PTPRD: variants seen among roughly 807,000 people sequenced by gnomAD.
The protein encoded by PTPRD is receptor-type tyrosine-protein phosphatase delta.
PTPRD carries 34 observed loss-of-function variants against 214.5 expected under a neutral mutation model. The ratio of observed to expected loss-of-function variants is 0.16; its 90% CI spans 0.12 to 0.21. The LOEUF (loss-of-function observed/expected upper bound fraction) is 0.21. PTPRD is among the 10% of genes least tolerant of loss of function. The pLI is 1.00. For synonymous variants in PTPRD, 1,128 were observed against 845.7 expected, an observed-to-expected ratio of 1.33 and a Z score of -5.79; for missense variants, 2,545 against 2,398.7, an observed-to-expected ratio of 1.06 and a Z score of -1.27.
At chr9:8,983,445 A>G (rs1202624256) in intron 11 of PTPRD, among the ~76,000 whole-genome samples, 2 of 152,008 alleles carry the variant, frequency 1.3e-5, no homozygotes, top group African/African-American at 4.8e-5. Context: ...TTAGTGTTCA[A>G]TACGTTTTCT....
chr9:10,157,953 T>A (rs991693415), intron 3 of PTPRD, among the ~76,000 whole-genome samples: 3 of 152,150 alleles, frequency 2.0e-5, no homozygotes, highest in Admixed American at 1.3e-4. Context: ...GTGATTGCAT[T>A]GTGAAATTAT....
At chr9:8,908,817 C>A (rs1054688454) in intron 11 of PTPRD, among the ~76,000 whole-genome samples, 2 of 151,198 alleles carry the variant, frequency 1.3e-5, no homozygotes, top group African/African-American at 2.4e-5. Context: ...AACTGATAAA[C>A]CTTTAACTCG....
chr9:8,787,276 C>T (rs896735771), intron 11 of PTPRD, among the ~76,000 whole-genome samples: 2 of 152,166 alleles, frequency 1.3e-5, no homozygotes, highest in Non-Finnish European at 1.5e-5. Flanking sequence ...CAACTTCTAG[C>T]TTTACTCAGC....
intron 8 of PTPRD, among the ~76,000 whole-genome samples, chr9:9,441,203 C>T (rs1295688037): frequency 2.0e-5 from 3 of 152,144 alleles, no homozygotes; most frequent in Non-Finnish European, 4.4e-5. Flanking sequence ...AGACTCCAGG[C>T]AGCTGAGCAA....
At chr9:9,550,882 T>C (rs2080047920) in intron 8 of PTPRD, among the ~76,000 whole-genome samples, 1 of 151,794 alleles carries the variant, frequency 6.6e-6, no homozygotes, top group Non-Finnish European at 1.5e-5. Flanking sequence ...TAAATTAAAA[T>C]CACAAGAACA....
intron 12 of PTPRD, among the ~76,000 whole-genome samples, chr9:8,725,128 G>C (rs1474072648): frequency 6.6e-6 from 1 of 152,098 alleles, no homozygotes; most frequent in Non-Finnish European, 1.5e-5. Context: ...CTGTATGATT[G>C]TTGTAATGTC....
chr9:10,229,506 G>A (rs929681457), intron 3 of PTPRD, among the ~76,000 whole-genome samples: 30 of 152,136 alleles, frequency 2.0e-4, no homozygotes, highest in African/African-American at 6.3e-4. Flanking sequence ...TAAACACCAC[G>A]GAATACTATG....
At chr9:8,607,009 T>C (rs937776483) in intron 14 of PTPRD, among the ~76,000 whole-genome samples, 5 of 152,096 alleles carry the variant, frequency 3.3e-5, no homozygotes, top group Non-Finnish European at 7.4e-5. Flanking sequence ...AAATCAATGG[T>C]AGAATGCTGA....
chr9:9,121,054 T>A (rs1196663340), intron 10 of PTPRD, among the ~76,000 whole-genome samples: 1 of 152,152 alleles, frequency 6.6e-6, no homozygotes, highest in Admixed American at 6.5e-5. Context: ...CGTACAGAGG[T>A]TATATAACAC....
At chr9:10,446,803 C>G (rs1323861587) in intron 2 of PTPRD, among the ~76,000 whole-genome samples, 1 of 152,004 alleles carries the variant, frequency 6.6e-6, no homozygotes, top group Admixed American at 6.6e-5. Context: ...AAACTGGATC[C>G]ATGAAGAGAG....
chr9:10,030,922 C>T (rs10958830), intron 4 of PTPRD, among the ~76,000 whole-genome samples: 48,873 of 151,970 alleles, frequency 0.32, 8,485 homozygotes, highest in East Asian at 0.62. Flanking sequence ...AGTAGCAAAC[C>T]AACTTTTCCC....
chr9:9,347,616 G>T (rs149191215), intron 9 of PTPRD, among the ~76,000 whole-genome samples: 1 of 152,070 alleles, frequency 6.6e-6, no homozygotes, highest in Admixed American at 6.6e-5. Flanking sequence ...TATCCATGCA[G>T]TTACACTATA....
intron 3 of PTPRD, among the ~76,000 whole-genome samples, chr9:10,227,820 G>A (rs1301343607): frequency 6.6e-6 from 1 of 151,912 alleles, no homozygotes; most frequent in East Asian, 1.9e-4. Flanking sequence ...GAGAGAATGG[G>A]CCTATGTTTT....
chr9:8,535,337 C>T (rs982881399), intron 14 of PTPRD, among the ~76,000 whole-genome samples: 1 of 151,880 alleles, frequency 6.6e-6, no homozygotes, highest in African/African-American at 2.4e-5. Flanking sequence ...TCTAGACACG[C>T]AACTAAATTT....
chr9:8,939,603 C>T (rs1165866959), intron 11 of PTPRD, among the ~76,000 whole-genome samples: 1 of 151,866 alleles, frequency 6.6e-6, no homozygotes, highest in African/African-American at 2.4e-5. Flanking sequence ...CAGCTTATTT[C>T]CAAATGTGCT....
intron 44 of PTPRD, among the ~76,000 whole-genome samples, chr9:8,326,233 AG>A (rs1413099297): frequency 4.6e-5 from 7 of 152,170 alleles, no homozygotes; most frequent in African/African-American, 1.4e-4. Flanking sequence ...TCTTCTTTTG[AG>A]ATACGTTCCA....
At chr9:9,254,349 G>A (rs1472372481) in intron 9 of PTPRD, among the ~76,000 whole-genome samples, 1 of 151,906 alleles carries the variant, frequency 6.6e-6, no homozygotes, top group African/African-American at 2.4e-5. Context: ...TAAATTATAT[G>A]GATGTGCTCA....
In PTPRD at chr9:8,590,827, T is replaced by A. The variant is rs188440430; in HGVS notation, c.352+42490A>T. Among the ~76,000 whole-genome samples the A allele has an allele frequency of 2.8e-4, 42 of 152,314 alleles. No individual in the cohort carries two copies. In the East Asian group the frequency reaches 6.8e-3, roughly 25 times the overall value. Reference sequence around the variant, plus strand: ...AATTAGTTTCCTACTGCTGTTATAATTAGCTGTCACAAACTCGATGGCTTA... The same window carrying A: ...AATTAGTTTCCTACTGCTGTTATAAATAGCTGTCACAAACTCGATGGCTTA... On this transcript the variant is annotated intron_variant, in intron 14 of 45. Transcript: ENST00000381196.
chr9:10,536,482 G>A (rs986926962), intron 2 of PTPRD, among the ~76,000 whole-genome samples: 3 of 152,074 alleles, frequency 2.0e-5, no homozygotes, highest in African/African-American at 7.2e-5. Context: ...TCATGTTTAT[G>A]AGAAACTTCA....
Sources: allele counts gnomAD v4.1 joint callset (sites outside exome capture counted in the v4.1 genomes callset), GRCh38; gene constraint gnomAD v4.1.1; transcripts MANE v1.5; gene names NCBI Gene and HGNC (gene_info 2026-07-23, HGNC 2026-07-21).